Variants in TEX10 observed in about 807,000 individuals in gnomAD.
TEX10 encodes the protein testis expressed 10.
In TEX10, 24 loss-of-function variants were observed where a neutral mutation model predicts 104.4. The observed-to-expected ratio is 0.23, with a 90% CI of 0.17 to 0.32. The LOEUF (loss-of-function observed/expected upper bound fraction) is 0.32, where lower values mean the gene tolerates loss of function less well. TEX10 is among the 10% of genes least tolerant of loss of function. The pLI is 1.00. For synonymous variants in TEX10, 396 were observed against 393.4 expected (o/e 1.01, Z -0.08); for missense variants, 921 against 1,083.9 (o/e 0.85, Z 2.11).
At chr9:100,339,871 A>C (rs1835128937) in intron 5 of TEX10, among the ~76,000 whole-genome samples, 1 of 151,972 alleles carries the variant, frequency 6.6e-6, no homozygotes. Context: ...TATTAGTTTC[A>C]ATACCAGGTT....
chr9:100,313,163 T>A (rs75716912), intron 11 of TEX10, among the ~76,000 whole-genome samples: 2,086 of 152,130 alleles, frequency 0.014, 34 homozygotes, highest in African/African-American at 0.048. Flanking sequence ...AAAAATGAAA[T>A]CAAAATTACT....
chr9:100,351,369 ACAAAAC>A lies in TEX10; in HGVS notation c.-10+1397_-10+1402del, dbSNP rs1374505940. Among the ~76,000 whole-genome samples, 43 of 111,276 alleles carry A rather than the reference ACAAAAC, an allele frequency of 3.9e-4. 1 individual carries two copies. The highest frequency in any genetic ancestry group is 7.3e-4 in the East Asian group (2 of 2,738). The allele number at this position is 111,276 out of a possible 152,430, so 73.0% of individuals were successfully genotyped here. A position where few individuals can be genotyped will look rare whatever the true frequency, so the allele number is the denominator to read the frequency against. On this transcript the variant is annotated intron_variant, in intron 1 of 14. Coordinates refer to ENST00000374902, the MANE Select transcript of TEX10 (RefSeq NM_017746.4). ...CCTCTAGTTACCTTAGTCTTAAAAA[ACAAAAC>A]AAAACAAAAAAAAAAGCTGGGGGTC...
At chr9:100,333,272 T>C (rs1300330442) in intron 5 of TEX10, among the ~76,000 whole-genome samples, 1 of 152,086 alleles carries the variant, frequency 6.6e-6, no homozygotes, top group Non-Finnish European at 1.5e-5. Context: ...ACAACATCCC[T>C]ACCTTAAGCT....
intron 9 of TEX10, 127 bp from the exon 10 acceptor site, chr9:100,321,898 C>A: frequency 3.3e-6 from 2 of 605,932 alleles, no homozygotes; most frequent in Non-Finnish European, 5.7e-6. Context: ...AAAATAAAAC[C>A]CATAGTATGC....
intron 5 of TEX10, among the ~76,000 whole-genome samples, chr9:100,332,764 T>G (rs1454844170): frequency 6.6e-6 from 1 of 151,034 alleles, no homozygotes; most frequent in East Asian, 2.0e-4. Context: ...GAGCTTGCAG[T>G]GAGCCGAGAT....
At chr9:100,336,453 T>C (rs935781276) in intron 5 of TEX10, among the ~76,000 whole-genome samples, 1 of 152,144 alleles carries the variant, frequency 6.6e-6, no homozygotes, top group Non-Finnish European at 1.5e-5. Context: ...ATGAACCCTA[T>C]TGTGAACTGT....
intron 11 of TEX10, among the ~76,000 whole-genome samples, chr9:100,313,201 T>C (rs1834321749): frequency 6.6e-6 from 1 of 152,174 alleles, no homozygotes; most frequent in Non-Finnish European, 1.5e-5. Flanking sequence ...GCATTCTCAC[T>C]GGACAAGCAC....
chr9:100,347,098 A>T lies in TEX10; in HGVS notation c.489T>A (p.Val163=). Residue 163 remains valine (V), a synonymous_variant, in exon 3 of 15, where the codon GTT becomes GTA. Coordinates refer to ENST00000374902, the MANE Select transcript of TEX10 (RefSeq NM_017746.4). ...TEGIQEDSLK[V]LDILLEQYPA... is the part of the protein sequence containing the mutation. ...GGTACTGTTCCAGCAGAATGTCCAAAACTTTTAAAGAGTCCTCCTGAATTC... is the reference window on the plus strand; with the variant it reads ...GGTACTGTTCCAGCAGAATGTCCAATACTTTTAAAGAGTCCTCCTGAATTC... The T allele has an allele frequency of 6.2e-7, 1 of 1,614,208 alleles. No individual in the cohort carries two copies. Among genetic ancestry groups the T allele is most frequent in the Non-Finnish European group, 8.5e-7 (1 of 1,180,034 alleles).
At chr9:100,308,911 A>G (rs1395276395) in intron 12 of TEX10, among the ~76,000 whole-genome samples, 1 of 152,178 alleles carries the variant, frequency 6.6e-6, no homozygotes, top group Non-Finnish European at 1.5e-5. Context: ...TATTAACCCA[A>G]TCCACTGCCT....
intron 2 of TEX10, among the ~76,000 whole-genome samples, chr9:100,348,941 T>G (rs1229054101): frequency 6.6e-6 from 1 of 151,942 alleles, no homozygotes; most frequent in African/African-American, 2.4e-5. Flanking sequence ...AAATAAATCA[T>G]CAAATAAATA....
Position 100,303,646 on chromosome 9 carries a change from T to C in TEX10, c.2662A>G (p.Ile888Val), listed in dbSNP as rs1402207934. 1.9e-6 allele frequency: 3 copies of C among 1,614,024 alleles called. No homozygotes were observed. The highest frequency in any genetic ancestry group is 1.3e-5 in the African/African-American group (1 of 74,906). The stretch of plus-strand genomic sequence containing the variant: ...ATGCTTCTTACCGTGATATTCTTGA[T>C]GATCTGCTGCACCAAGATCGCATTG... ...LTNAILVQQI[I>V]KNITTLKSGS... Residue 888 changes from isoleucine (I) to valine (V), a missense_variant, in exon 14 of 15, where the codon ATC (isoleucine) becomes GTC (valine). Ile to Val is a conservative substitution (Grantham distance 29, BLOSUM62 3). Coordinates refer to ENST00000374902, the MANE Select transcript of TEX10 (RefSeq NM_017746.4).
rs374380840 is a variant in TEX10 at position 100,329,996 on chromosome 9, T to G, written c.1424A>C (p.Asn475Thr). 4.3e-6 allele frequency: 7 copies of G among 1,614,132 alleles called. No individual in the cohort carries two copies. The African/African-American group carries it at 6.7e-5, about 15-fold the overall frequency. The change falls in exon 6 of 15, where the codon AAT (asparagine) becomes ACT (threonine). Residue 475 changes from asparagine (N) to threonine (T), a missense_variant. Transcript: ENST00000374902. ...CAGCAATCTGTTCAGTTGCTTACTA[T>G]TTAGCCTAGAGCCATCTTCAAGGGT... is the stretch of plus-strand genomic sequence containing the variant. ...TETLEDGSRL[N>T]SKQLNRLLGV...
At chr9:100,350,559 A>C in intron 1 of TEX10, among the ~76,000 whole-genome samples, 1 of 152,166 alleles carries the variant, frequency 6.6e-6, no homozygotes, top group Non-Finnish European at 1.5e-5. Flanking sequence ...ACACCTGAGA[A>C]CAATACTGTA....
At chr9:100,329,009 T>C (rs1392130887) in intron 7 of TEX10, 131 bp downstream of exon 7, 6 of 1,034,836 alleles carry the variant, frequency 5.8e-6, no homozygotes, top group African/African-American at 1.6e-5. Context: ...TACCATTTCT[T>C]AAATGCAAAC....
chr9:100,343,831 A>G (rs1835234359), intron 4 of TEX10, among the ~76,000 whole-genome samples: 1 of 152,192 alleles, frequency 6.6e-6, no homozygotes, highest in Admixed American at 6.5e-5. Flanking sequence ...ATGCCAAGCA[A>G]TGCTATTTGG....
Position 100,332,323 on chromosome 9 carries a change from C to T in TEX10, c.1251-2154G>A, listed in dbSNP as rs558989357. On this transcript the variant is annotated intron_variant, in intron 5 of 14. Transcript: ENST00000374902. Reference sequence around the variant, plus strand: ...ACAGGTAGAGCTTTGGAAAATTTACCGTAAGTTTATCTCAGGCAGCATAAT... The same window carrying T: ...ACAGGTAGAGCTTTGGAAAATTTACTGTAAGTTTATCTCAGGCAGCATAAT... Among the ~76,000 whole-genome samples, 4 of 152,224 alleles carry T rather than the reference C, an allele frequency of 2.6e-5. No homozygotes were observed. In the East Asian group the frequency reaches 7.7e-4, roughly 29 times the overall value.
chr9:100,327,801 G>A lies in TEX10; in HGVS notation c.1787C>T (p.Ala596Val), dbSNP rs1834746004. ...KELLKSLQAT[A>V]LRIYDPQEGA... ...TGAACTCTTACCATAAATTCGGAGG[G>A]CAGTAGCTTGTAAACTTTTTAGTAA... The change falls in exon 8 of 15, where the codon GCC becomes GTC. Residue 596 changes from alanine to valine, a missense_variant. Physicochemically the swap from Ala to Val is moderately conservative, Grantham distance 64 (BLOSUM62 0). Around this residue, in one of 3 missense-constraint regions of TEX10, gnomAD observed 753 missense variants for 868.4 expected, o/e 0.87. Transcript: ENST00000374902. 2 of 1,584,332 alleles carry A rather than the reference G, an allele frequency of 1.3e-6. No homozygotes were observed. The highest frequency in any genetic ancestry group is 2.2e-5 in the East Asian group (1 of 44,492).
chr9:100,332,070 C>A (rs1834875824), intron 5 of TEX10, among the ~76,000 whole-genome samples: 1 of 152,182 alleles, frequency 6.6e-6, no homozygotes, highest in South Asian at 2.1e-4. Flanking sequence ...GTATCATAAT[C>A]AAATCCAGAC....
In TEX10 at chr9:100,308,497, T is replaced by C; in HGVS notation, c.2465+3A>G. On this transcript the variant is annotated splice_donor_region_variant and intron_variant, in intron 13 of 14. Coordinates refer to ENST00000374902, the MANE Select transcript of TEX10 (RefSeq NM_017746.4). ...TTAAGGTTGAAGAATAAAAAATAATTACCTCTTTCTTAGATGTTCTGCTTC... is the reference window on the plus strand; with the variant it reads ...TTAAGGTTGAAGAATAAAAAATAATCACCTCTTTCTTAGATGTTCTGCTTC... The C allele has an allele frequency of 1.3e-6, 2 of 1,574,170 alleles. No individual in the cohort carries two copies. Among genetic ancestry groups the C allele is most frequent in the Non-Finnish European group, 1.7e-6 (2 of 1,166,602 alleles).
Sources: gnomAD v4.1 joint callset for allele counts (sites outside exome capture counted in the v4.1 genomes callset) on GRCh38, gnomAD v4.1.1 for gene constraint, gnomAD v4.1.1 regional missense constraint, MANE v1.5 for transcripts, NCBI Gene and HGNC (gene_info 2026-07-23, HGNC 2026-07-21) for gene names.